The following SORT1 variants were observed in gnomAD, a reference collection of about 807,000 sequenced individuals.
SORT1 encodes the protein sortilin.
Under a neutral mutation model 101.7 loss-of-function variants are expected in SORT1, and 39 were observed. The ratio of observed to expected loss-of-function variants is 0.38; its 90% confidence interval spans 0.30 to 0.50. The LOEUF is 0.50. Among genes scored for constraint, SORT1 ranks in the 20% least tolerant of loss-of-function variants. SORT1 has a pLI of 0.90. For synonymous variants in SORT1, 396 were observed against 393.7 expected (o/e 1.01, Z -0.07); for missense variants, 878 against 1,040.4 (o/e 0.84, Z 2.15).
At position 109,332,563 on chromosome 1, in the gene SORT1, T is replaced by C. The variant is rs574425247; in HGVS notation, c.1371+3677A>G. 1.4e-4 allele frequency among the ~76,000 whole-genome samples: 22 copies of C among 152,082 alleles called. No individual in the cohort carries two copies. In the South Asian group the frequency reaches 2.5e-3, roughly 17 times the overall value. ...CCAGTCAGGGTGACAGACTAAGACT[T>C]TGCCTCTTAAAAAAAATTCCAATGG... On this transcript the variant is annotated intron_variant, in intron 11 of 19. Coordinates refer to ENST00000256637, the MANE Select transcript of SORT1 (RefSeq NM_002959.7).
intron 2 of SORT1, chr1:109,368,940 C>T (rs562471933): frequency 8.4e-5 from 13 of 154,062 alleles, no homozygotes; most frequent in African/African-American, 3.1e-4. Flanking sequence ...AGAGCACTTT[C>T]ATCTTTCTTC....
intron 10 of SORT1, 133 bp downstream of exon 10, chr1:109,340,591 G>T (rs1009051706): frequency 3.5e-5 from 31 of 884,880 alleles, no homozygotes; most frequent in African/African-American, 1.7e-5. Flanking sequence ...AAAAAAAAAG[G>T]AAACAAAAAA....
intron 5 of SORT1, among the ~76,000 whole-genome samples, chr1:109,352,941 C>T (rs921483114): frequency 5.3e-5 from 8 of 152,152 alleles, no homozygotes; most frequent in Non-Finnish European, 7.4e-5. Flanking sequence ...TCAGCTTAAG[C>T]GGCTGGAGGC....
chr1:109,351,068 T>C (rs1649925727), intron 5 of SORT1, 66 bp from the exon 6 acceptor site: 1 of 1,007,012 alleles, frequency 9.9e-7, no homozygotes, highest in Non-Finnish European at 1.6e-6. Context: ...GTATGACCTT[T>C]AATATTTCAT....
At chr1:109,345,918 A>G in intron 7 of SORT1, 37 bp from the exon 8 acceptor site, 1 of 1,584,140 alleles carries the variant, frequency 6.3e-7, no homozygotes, top group Non-Finnish European at 8.6e-7. Context: ...AATTTCACTT[A>G]CTGGTGAGCC....
chr1:109,325,133 G>T (rs958322642), intron 13 of SORT1, 44 bp from the exon 14 acceptor site: 3 of 1,299,416 alleles, frequency 2.3e-6, no homozygotes, highest in Non-Finnish European at 3.2e-6. Context: ...GGATCAATGT[G>T]TACTGGGAAT....
chr1:109,377,670 T>C (rs1651949734), intron 1 of SORT1, among the ~76,000 whole-genome samples: 1 of 152,120 alleles, frequency 6.6e-6, no homozygotes, highest in Non-Finnish European at 1.5e-5. Flanking sequence ...TGAGCAGGGG[T>C]AGTCTATATA....
intron 8 of SORT1, among the ~76,000 whole-genome samples, chr1:109,343,878 T>C (rs1017701613): frequency 6.6e-6 from 1 of 152,186 alleles, no homozygotes; most frequent in African/African-American, 2.4e-5. Context: ...CTCAAACTCC[T>C]GACCTCAAGT....
Position 109,312,020 on chromosome 1 carries a change from G to GA in SORT1, c.*2022dup, listed in dbSNP as rs975758931. The GA allele has an allele frequency of 6.6e-6, 1 of 152,298 alleles. No individual in the cohort carries two copies. Among genetic ancestry groups the GA allele is most frequent in the African/African-American group, 2.4e-5 (1 of 41,438 alleles). The allele number at this position is 152,298 out of a possible 1,614,324, so 9.4% of individuals were successfully genotyped here. The stretch of plus-strand genomic sequence containing the variant: ...AGAAATCCCAGATATCATTAAAAGC[G>GA]AAGAGCCCTATCGTATATGGTTAGA... On this transcript the variant is annotated 3_prime_UTR_variant, in exon 20 of 20. Coordinates refer to ENST00000256637, the MANE Select transcript of SORT1 (RefSeq NM_002959.7).
intron 3 of SORT1, among the ~76,000 whole-genome samples, chr1:109,363,638 C>T (rs1570954840): frequency 6.6e-6 from 1 of 152,266 alleles, no homozygotes; most frequent in South Asian, 2.1e-4. Context: ...AGACTTCATG[C>T]TGTAATACAC....
chr1:109,355,641 A>AC (rs529686433), intron 3 of SORT1, among the ~76,000 whole-genome samples, 172 bp from the exon 4 acceptor site: 11 of 84,100 alleles, frequency 1.3e-4, no homozygotes, highest in African/African-American at 3.9e-4. Context: ...AGAACATTCC[A>AC]CCCGCCCCCC....
intron 5 of SORT1, among the ~76,000 whole-genome samples, chr1:109,351,366 G>T (rs1216611027): frequency 6.6e-6 from 1 of 152,216 alleles, no homozygotes; most frequent in Non-Finnish European, 1.5e-5. Context: ...ATATGGTCTA[G>T]TATAGAAGTG....
In SORT1 at chr1:109,318,572, G is replaced by A. The variant is rs539837968; in HGVS notation, c.2025-603C>T. On this transcript the variant is annotated intron_variant, in intron 15 of 19. Coordinates refer to ENST00000256637, the MANE Select transcript of SORT1 (RefSeq NM_002959.7). ...CGCAGGGAGGTGACTGATGCAGCCT[G>A]CAGAGGGGTGGAGACTCACACAGAA... 2.4e-4 allele frequency among the ~76,000 whole-genome samples: 36 copies of A among 152,338 alleles called. No individual in the cohort carries two copies. The East Asian group carries it at 6.7e-3, about 29-fold the overall frequency.
chr1:109,345,769 G>A lies in SORT1; in HGVS notation c.945C>T (p.Ala315=), dbSNP rs1307437342. The change falls in exon 8 of 20, where the codon GCC becomes GCT. Residue 315 remains alanine (A), a synonymous_variant. Transcript: ENST00000256637. ...SFGLGGRFLF[A]SVMADKDTTR... ...TACCTACCTTATCAGCCATCACAGA[G>A]GCAAAAAGGAAACGTCCCCCAAGAC... is the stretch of plus-strand genomic sequence containing the variant. 1.2e-6 allele frequency: 2 copies of A among 1,613,660 alleles called. No individual in the cohort carries two copies. The highest frequency in any genetic ancestry group is 1.7e-5 in the Admixed American group (1 of 59,958).
chr1:109,362,898 AAACTG>A (rs1650820707), intron 3 of SORT1, among the ~76,000 whole-genome samples: 1 of 152,200 alleles, frequency 6.6e-6, no homozygotes, highest in Admixed American at 6.5e-5. Context: ...ACTGCAGTGA[AAACTG>A]AACTGAGCAT....
Position 109,329,578 on chromosome 1 carries a change from A to C in SORT1, c.1372-1977T>G, listed in dbSNP as rs1035549509. On this transcript the variant is annotated intron_variant, in intron 11 of 19. Transcript: ENST00000256637. ...GGGGGTGGCTATATTTATATCAGAC[A>C]AAATAGACTTTAAGTAAAAAACTAT... 6.6e-5 allele frequency among the ~76,000 whole-genome samples: 10 copies of C among 152,236 alleles called. No individual in the cohort carries two copies. The South Asian group carries it at 2.1e-3, about 31-fold the overall frequency.
chr1:109,355,792 A>G (rs1650279354), intron 3 of SORT1, among the ~76,000 whole-genome samples: 1 of 152,046 alleles, frequency 6.6e-6, no homozygotes, highest in African/African-American at 2.4e-5. Flanking sequence ...TAGCTACCTG[A>G]TAAAATGGTC....
rs1453182442 is a variant in SORT1, at chr1:109,326,514, C to CACATATATATACACATATATAT, written c.1643+456_1643+477dup. ...ATATACACACATATATACACACATACACATATATATACACATATATATACA... is the reference window on the plus strand; with the variant it reads ...ATATACACACATATATACACACATACACATATATATACACATATATATACATATATATACACATATATATACA... On this transcript the variant is annotated intron_variant, in intron 13 of 19. Transcript: ENST00000256637. Among the ~76,000 whole-genome samples the CACATATATATACACATATATAT allele has an allele frequency of 3.0e-4, 17 of 55,916 alleles. 1 individual carries two copies. The highest frequency in any genetic ancestry group is 8.8e-4 in the African/African-American group (14 of 15,860). 36.7% of individuals were successfully genotyped at this position (55,916 alleles called of 152,430 possible).
intron 15 of SORT1, among the ~76,000 whole-genome samples, chr1:109,319,494 T>C (rs1438392564): frequency 2.0e-5 from 3 of 152,220 alleles, no homozygotes; most frequent in African/African-American, 7.2e-5. Flanking sequence ...CTCAAAAGAA[T>C]ATTTTTTTAC....
Sources: gnomAD v4.1 joint callset for allele counts (sites outside exome capture counted in the v4.1 genomes callset) on GRCh38, gnomAD v4.1.1 for gene constraint, MANE v1.5 for transcripts, NCBI Gene and HGNC (gene_info 2026-07-23, HGNC 2026-07-21) for gene names.